The following REV3L variants were observed in gnomAD, a reference collection of about 807,000 sequenced individuals.
The protein encoded by REV3L is REV3 like, DNA directed polymerase zeta catalytic subunit.
In REV3L, 69 loss-of-function variants were observed where a neutral mutation model predicts 299.4. The ratio of observed to expected loss-of-function variants is 0.23; its 90% CI spans 0.19 to 0.28. REV3L has a LOEUF of 0.28. REV3L is among the 10% of genes least tolerant of loss of function. The pLI is 1.00. For synonymous variants in REV3L, 1,238 were observed against 1,271.4 expected (o/e 0.97, Z 0.56); for missense variants, 3,128 against 3,693.8 (o/e 0.85, Z 3.97).
At position 111,367,164 on chromosome 6, in the gene REV3L, T is replaced by G; in HGVS notation, c.6624A>C (p.Lys2208Asn). The G allele has an allele frequency of 6.2e-7, 1 of 1,609,470 alleles. No individual in the cohort carries two copies. The highest frequency in any genetic ancestry group is 1.1e-5 in the South Asian group (1 of 89,882). ...GTGCTTCAGGAAGCCTTTCCAGAAG[T>G]TTTCTCTGTATGATTGGTGTACTAT... The part of the protein sequence containing the change: ...CFHSTPIIQR[K>N]LLERLPEAPG... Residue 2208 changes from lysine (K) to asparagine (N), a missense_variant, in exon 14 of 32, where the codon AAA becomes AAC. Coordinates refer to ENST00000368802, the MANE Select transcript of REV3L (RefSeq NM_001372078.1).
chr6:111,452,675 G>C lies in REV3L; in HGVS notation c.139+30075C>G, dbSNP rs58444699. ...AGGTTTTACTAAAAGGAGCACAAGG[G>C]AACTTTTTAGGGTGATAGAAATATT... On this transcript the variant is annotated intron_variant, in intron 1 of 31. Coordinates refer to ENST00000368802, the MANE Select transcript of REV3L (RefSeq NM_001372078.1). 8.8e-3 allele frequency among the ~76,000 whole-genome samples: 1,343 copies of C among 152,214 alleles called. 23 individuals are homozygous for C. Among genetic ancestry groups the C allele is most frequent in the African/African-American group, 0.031 (1,281 of 41,520 alleles).
chr6:111,477,655 G>A (rs1481428182), intron 1 of REV3L, among the ~76,000 whole-genome samples: 1 of 152,130 alleles, frequency 6.6e-6, no homozygotes, highest in East Asian at 1.9e-4. Context: ...GAAAGGTAAG[G>A]GCCAGACTAT....
intron 1 of REV3L, among the ~76,000 whole-genome samples, chr6:111,461,775 AAG>A (rs1255992760): frequency 2.6e-5 from 4 of 152,072 alleles, no homozygotes; most frequent in African/African-American, 9.7e-5. Context: ...AAATTTCAGA[AAG>A]AGGTATAAAT....
chr6:111,476,636 ACT>A (rs1792978582), intron 1 of REV3L, among the ~76,000 whole-genome samples: 1 of 152,078 alleles, frequency 6.6e-6, no homozygotes, highest in Non-Finnish European at 1.5e-5. Flanking sequence ...TCTAGTCTTT[ACT>A]CTGTTTTAGT....
At chr6:111,397,090 A>AT (rs74625603) in intron 4 of REV3L, among the ~76,000 whole-genome samples, 9,628 of 140,110 alleles carry the variant, frequency 0.069, 307 homozygotes, top group Middle Eastern at 0.1. Flanking sequence ...GATCTTTTGT[A>AT]TTTTTTTTTT....
intron 10 of REV3L, among the ~76,000 whole-genome samples, chr6:111,380,597 T>C (rs1381197410): frequency 1.3e-5 from 2 of 152,184 alleles, no homozygotes; most frequent in Non-Finnish European, 2.9e-5. Context: ...TCACTCAGAA[T>C]AAAATAACAA....
chr6:111,325,522 C>T (rs1232956765), intron 25 of REV3L, among the ~76,000 whole-genome samples: 1 of 152,222 alleles, frequency 6.6e-6, no homozygotes, highest in Non-Finnish European at 1.5e-5. Context: ...TATATGCTTA[C>T]AAAGTCTCAT....
At position 111,324,974 on chromosome 6, in the gene REV3L, G is replaced by A. The variant is rs563691850; in HGVS notation, c.8242-2296C>T. ...CCTCCCGGGTTCACGCCATTCTCCT[G>A]CCTCAGCCTCCCAAGTAGCTGGGAC... On this transcript the variant is annotated intron_variant, in intron 25 of 31. Transcript: ENST00000368802. Among the ~76,000 whole-genome samples, 3 of 151,170 alleles carry A rather than the reference G, an allele frequency of 2.0e-5. No individual in the cohort carries two copies. The East Asian group carries it at 5.8e-4, about 29-fold the overall frequency.
chr6:111,377,643 T>C lies in REV3L; in HGVS notation c.1597+58A>G, dbSNP rs1037167431. 4 of 1,548,500 alleles carry C rather than the reference T, an allele frequency of 2.6e-6. No individual in the cohort carries two copies. The Admixed American group carries it at 5.6e-5, about 22-fold the overall frequency. ...TGAGCCAGAGCGCCTAGCCTCAAAA[T>C]CAAATACATTTTTAGATCGTGAATA... On this transcript the variant is annotated intron_variant, in intron 12 of 31. Coordinates refer to ENST00000368802, the MANE Select transcript of REV3L (RefSeq NM_001372078.1).
intron 27 of REV3L, among the ~76,000 whole-genome samples, chr6:111,314,599 C>A (rs1002521100): frequency 5.3e-5 from 8 of 152,112 alleles, no homozygotes; most frequent in Non-Finnish European, 1.2e-4. Context: ...TACCCCTAAC[C>A]CCTAACAGTC....
intron 16 of REV3L, among the ~76,000 whole-genome samples, chr6:111,361,858 G>T (rs1383023436): frequency 6.6e-6 from 1 of 152,190 alleles, no homozygotes; most frequent in African/African-American, 2.4e-5. Flanking sequence ...CCGGGCGGCA[G>T]TTTGGAATGT....
chr6:111,365,140 A>C, intron 15 of REV3L, 125 bp downstream of exon 15: 1 of 589,428 alleles, frequency 1.7e-6, no homozygotes, highest in Non-Finnish European at 2.9e-6. Context: ...AGATATGCAA[A>C]TAATGATGCA....
At chr6:111,417,632 A>C (rs1254704771) in intron 1 of REV3L, among the ~76,000 whole-genome samples, 1 of 152,224 alleles carries the variant, frequency 6.6e-6, no homozygotes, top group East Asian at 1.9e-4. Context: ...TATGATTTAG[A>C]ATGATTTATA....
intron 1 of REV3L, among the ~76,000 whole-genome samples, chr6:111,421,440 G>A (rs1287226886): frequency 1.3e-5 from 2 of 152,110 alleles, no homozygotes; most frequent in African/African-American, 4.8e-5. Context: ...CTCTGCTGTT[G>A]TAGCCTGGAA....
chr6:111,332,948 T>C (rs536742061), intron 23 of REV3L, among the ~76,000 whole-genome samples, 175 bp downstream of exon 23: 2 of 152,336 alleles, frequency 1.3e-5, no homozygotes, highest in South Asian at 4.1e-4. Context: ...ATTAATCATA[T>C]GGTGATCCAT....
At chr6:111,301,505 C>CAA (rs201406131) in intron 31 of REV3L, among the ~76,000 whole-genome samples, 2 of 124,922 alleles carry the variant, frequency 1.6e-5, no homozygotes, top group South Asian at 2.6e-4. Flanking sequence ...TGTAAAATTT[C>CAA]AAAAAAAAAA....
intron 1 of REV3L, among the ~76,000 whole-genome samples, chr6:111,452,632 G>C (rs1789684240): frequency 6.6e-6 from 1 of 152,116 alleles, no homozygotes; most frequent in Non-Finnish European, 1.5e-5. Flanking sequence ...GGTTGTGAGG[G>C]ACCAGGAATA....
intron 1 of REV3L, among the ~76,000 whole-genome samples, chr6:111,427,727 TG>T (rs1786352202): frequency 6.6e-6 from 1 of 152,178 alleles, no homozygotes; most frequent in Non-Finnish European, 1.5e-5. Context: ...TCCACCATCT[TG>T]GGTTTGTTGG....
At chr6:111,324,201 A>G (rs1333542640) in intron 25 of REV3L, among the ~76,000 whole-genome samples, 1 of 151,992 alleles carries the variant, frequency 6.6e-6, no homozygotes, top group Non-Finnish European at 1.5e-5. Flanking sequence ...TTTTGCCATG[A>G]TGGCCAGGCT....
Sources: gnomAD v4.1 joint callset for allele counts (sites outside exome capture counted in the v4.1 genomes callset) on GRCh38, gnomAD v4.1.1 for gene constraint, MANE v1.5 for transcripts, NCBI Gene and HGNC (gene_info 2026-07-23, HGNC 2026-07-21) for gene names.